CLEC2D: variants seen among roughly 807,000 people sequenced by gnomAD.
CLEC2D encodes C-type lectin related f.
CLEC2D carries 16 observed loss-of-function variants against 20.0 expected under a neutral mutation model. That is an observed-to-expected ratio of 0.80 (90% CI 0.54 to 1.22). The LOEUF (loss-of-function observed/expected upper bound fraction) is 1.22, where lower values mean the gene tolerates loss of function less well. CLEC2D is among the 50% of genes most tolerant of loss of function. The pLI is 0.00. For missense variants in CLEC2D, 207 were observed against 221.5 expected (o/e 0.93, Z 0.42); for synonymous variants, 77 against 71.1 (o/e 1.08, Z -0.42).
intron 2 of CLEC2D, among the ~76,000 whole-genome samples, chr12:9,683,336 T>TTTG (rs1241567116): frequency 4.2e-3 from 8 of 1,922 alleles, no homozygotes; most frequent in East Asian, 0.071. Context: ...TTTGTGTTTG[T>TTTG]TTTTTTTTTT....
chr12:9,691,604 A>G (rs1224683261), intron 3 of CLEC2D, among the ~76,000 whole-genome samples: 1 of 152,188 alleles, frequency 6.6e-6, no homozygotes, highest in African/African-American at 2.4e-5. Flanking sequence ...TAACTAGAAA[A>G]ACCAGAAAAG....
chr12:9,680,226 C>T (rs2114872), intron 1 of CLEC2D: 302,086 of 340,218 alleles, frequency 0.89, 134,590 homozygotes, highest in East Asian at 0.96. Context: ...AAGAAGAACA[C>T]GTTTGCTTCC....
At chr12:9,674,911 T>C (rs1434859968) in intron 1 of CLEC2D, among the ~76,000 whole-genome samples, 1 of 152,156 alleles carries the variant, frequency 6.6e-6, no homozygotes, top group Non-Finnish European at 1.5e-5. Context: ...GGCTTTCTCT[T>C]ATATTATCTT....
rs906540371 is a variant in CLEC2D, at chr12:9,695,997, A to G, written c.*1123A>G. The G allele has an allele frequency of 1.0e-5, 16 of 1,543,230 alleles. No homozygotes were observed. In the Admixed American group the frequency reaches 2.2e-4, roughly 21 times the overall value. ...AGAATGGAAAAGACTCAAAACCATC[A>G]TCAACACCAAGATCAAAAGGACAAG... On this transcript the variant is annotated 3_prime_UTR_variant, in exon 5 of 5. Coordinates refer to ENST00000290855, the MANE Select transcript of CLEC2D (RefSeq NM_013269.6).
intron 2 of CLEC2D, among the ~76,000 whole-genome samples, chr12:9,685,493 A>C (rs1190843935): frequency 2.0e-5 from 3 of 152,214 alleles, no homozygotes; most frequent in African/African-American, 7.2e-5. Context: ...TTTATCTATA[A>C]GCCCCTGACT....
intron 4 of CLEC2D, 44 bp downstream of exon 4, chr12:9,692,975 C>T: frequency 6.3e-7 from 1 of 1,594,884 alleles, no homozygotes; most frequent in South Asian, 1.1e-5. Context: ...TTTGAATTTA[C>T]TTTGCATTAA....
intron 1 of CLEC2D, 98 bp from the exon 2 acceptor site, chr12:9,680,825 G>A (rs866253385): frequency 5.1e-5 from 32 of 625,964 alleles, no homozygotes; most frequent in South Asian, 1.6e-4. Flanking sequence ...AGTGAAAAGC[G>A]AAGGAATTAA....
chr12:9,675,750 G>A (rs1865509374), intron 1 of CLEC2D, among the ~76,000 whole-genome samples: 1 of 152,172 alleles, frequency 6.6e-6, no homozygotes, highest in African/African-American at 2.4e-5. Flanking sequence ...TCTTGGCAAT[G>A]TTGAGTCTTT....
In CLEC2D at chr12:9,696,102, AGCAAGTATAGAAAAAC is replaced by A. The variant is rs1424538347; in HGVS notation, c.*1230_*1245del. 23 of 1,080,086 alleles carry A rather than the reference AGCAAGTATAGAAAAAC, an allele frequency of 2.1e-5. No individual in the cohort carries two copies. The Admixed American group carries it at 3.9e-4, about 18-fold the overall frequency. The allele number at this position is 1,080,086 out of a possible 1,614,324, so 66.9% of individuals were successfully genotyped here. A position where few individuals can be genotyped will look rare whatever the true frequency, so the allele number is the denominator to read the frequency against. The stretch of plus-strand genomic sequence containing the variant: ...TAGAAGACATTAAAGCAAAAATGCA[AGCAAGTATAGAAAAAC>A]GTGGTTCTCTTCCCAAAGTGGAAAC... On this transcript the variant is annotated 3_prime_UTR_variant, in exon 5 of 5. Coordinates refer to ENST00000290855, the MANE Select transcript of CLEC2D (RefSeq NM_013269.6).
intron 2 of CLEC2D, among the ~76,000 whole-genome samples, chr12:9,683,919 A>G (rs923028588): frequency 6.6e-6 from 1 of 151,952 alleles, no homozygotes; most frequent in Non-Finnish European, 1.5e-5. Flanking sequence ...AAGAAAGTCA[A>G]TGGTAGCTTG....
chr12:9,681,065 G>T (rs1468604040), intron 2 of CLEC2D, 32 bp downstream of exon 2: 1 of 1,103,954 alleles, frequency 9.1e-7, no homozygotes, highest in African/African-American at 1.6e-5. Flanking sequence ...TTCATCTAGA[G>T]AGAATTATAC....
In CLEC2D at chr12:9,694,884, CA is replaced by C; in HGVS notation, c.*13del. 7.2e-7 allele frequency: 1 copy of C among 1,397,598 alleles called. No homozygotes were observed. Among genetic ancestry groups the C allele is most frequent in the Middle Eastern group, 1.8e-4 (1 of 5,428 alleles). The allele number at this position is 1,397,598 out of a possible 1,614,324, so 86.6% of individuals were successfully genotyped here. A position where few individuals can be genotyped will look rare whatever the true frequency, so the allele number is the denominator to read the frequency against. ...AGATATACATGTCTAGATGTTACAG[CA>C]AAGCCCCAACTAATCTTTAGAAGCA... On this transcript the variant is annotated 3_prime_UTR_variant, in exon 5 of 5. Coordinates refer to ENST00000290855, the MANE Select transcript of CLEC2D (RefSeq NM_013269.6).
At chr12:9,690,792 T>TA (rs994033546) in intron 3 of CLEC2D, among the ~76,000 whole-genome samples, 1 of 151,712 alleles carries the variant, frequency 6.6e-6, no homozygotes, top group Non-Finnish European at 1.5e-5. Context: ...CAATACACTA[T>TA]AAAAAACCAA....
chr12:9,693,276 A>G (rs1865906659), intron 4 of CLEC2D: 1 of 563,710 alleles, frequency 1.8e-6, no homozygotes, highest in African/African-American at 1.9e-5. Flanking sequence ...TGATGTGAGG[A>G]ACAGAGGTTT....
chr12:9,693,516 C>G (rs1865910891), intron 4 of CLEC2D: 1 of 174,724 alleles, frequency 5.7e-6, no homozygotes, highest in Non-Finnish European at 1.2e-5. Flanking sequence ...TTTTGAAAAG[C>G]TACTTTATTG....
At chr12:9,671,974 T>C (rs1265877619) in intron 1 of CLEC2D, among the ~76,000 whole-genome samples, 1 of 152,178 alleles carries the variant, frequency 6.6e-6, no homozygotes, top group Non-Finnish European at 1.5e-5. Flanking sequence ...TTTTTCATTT[T>C]CTCCTTGTTG....
At chr12:9,674,468 G>A (rs898853628) in intron 1 of CLEC2D, among the ~76,000 whole-genome samples, 12 of 152,212 alleles carry the variant, frequency 7.9e-5, no homozygotes, top group Non-Finnish European at 1.6e-4. Flanking sequence ...CTCAGATGGA[G>A]ATGCAGAATT....
intron 4 of CLEC2D, 162 bp downstream of exon 4, chr12:9,693,093 G>C: frequency 6.2e-7 from 1 of 1,613,570 alleles, no homozygotes; most frequent in African/African-American, 1.3e-5. Flanking sequence ...CAAGTTCCTC[G>C]AATGAATCCA....
intron 2 of CLEC2D, among the ~76,000 whole-genome samples, chr12:9,682,986 C>T (rs954194716): frequency 3.3e-5 from 5 of 152,188 alleles, no homozygotes; most frequent in African/African-American, 1.2e-4. Context: ...GTTCCTATTT[C>T]TCTACATCCT....
Sources: allele counts gnomAD v4.1 joint callset (sites outside exome capture counted in the v4.1 genomes callset), GRCh38; gene constraint gnomAD v4.1.1; transcripts MANE v1.5; gene names NCBI Gene and HGNC (gene_info 2026-07-23, HGNC 2026-07-21).